Variants in EPHB1 observed in about 807,000 individuals in gnomAD.
EPHB1 encodes EPH receptor B1, also known as ephrin type-B receptor 1.
In EPHB1, 30 loss-of-function variants were observed where a neutral mutation model predicts 94.4. The observed-to-expected ratio is 0.32, with a 90% CI of 0.24 to 0.43. EPHB1 has a LOEUF of 0.43. Ranked by LOEUF, EPHB1 falls within the 20% of genes least tolerant of loss-of-function variation. The pLI is 1.00. For synonymous variants in EPHB1, 522 were observed against 489.1 expected, an observed-to-expected ratio of 1.07 and a Z score of -0.89; for missense variants, 1,055 against 1,308.3, an observed-to-expected ratio of 0.81 and a Z score of 2.99.
intron 1 of EPHB1, among the ~76,000 whole-genome samples, chr3:134,840,102 C>T (rs2036749069): frequency 6.6e-6 from 1 of 152,230 alleles, no homozygotes; most frequent in African/African-American, 2.4e-5. Flanking sequence ...TTGTATTCCT[C>T]CTTGAATCAG....
intron 3 of EPHB1, among the ~76,000 whole-genome samples, chr3:135,005,930 A>G (rs1051978683): frequency 2.8e-4 from 42 of 152,206 alleles, no homozygotes; most frequent in African/African-American, 9.7e-4. Flanking sequence ...TGTGTCGCTC[A>G]GGCTGGGAGC....
chr3:134,839,149 A>G (rs2036731361), intron 1 of EPHB1, among the ~76,000 whole-genome samples: 1 of 152,342 alleles, frequency 6.6e-6, no homozygotes, highest in Non-Finnish European at 1.5e-5. Context: ...GGAAGTTAAC[A>G]GGGAAATCCA....
intron 1 of EPHB1, among the ~76,000 whole-genome samples, chr3:134,827,118 T>C (rs2036493870): frequency 6.6e-6 from 1 of 152,214 alleles, no homozygotes; most frequent in Non-Finnish European, 1.5e-5. Flanking sequence ...GAGCTGGCAC[T>C]TTCACATGAG....
At chr3:134,822,615 A>G (rs62272391) in intron 1 of EPHB1, among the ~76,000 whole-genome samples, 25,710 of 152,138 alleles carry the variant, frequency 0.17, 2,480 homozygotes, top group South Asian at 0.38. Flanking sequence ...AGACCACTCC[A>G]AGCCCTCCCT....
chr3:135,000,622 G>T (rs1935142425), intron 3 of EPHB1, among the ~76,000 whole-genome samples: 2 of 152,140 alleles, frequency 1.3e-5, no homozygotes, highest in Admixed American at 6.5e-5. Context: ...CAGAGTACTT[G>T]AACCGTGTCC....
At position 135,241,307 on chromosome 3, in the gene EPHB1, A is replaced by G; in HGVS notation, c.2496+10A>G. 6.2e-7 allele frequency: 1 copy of G among 1,614,126 alleles called. No homozygotes were observed. The highest frequency in any genetic ancestry group is 8.5e-7 in the Non-Finnish European group (1 of 1,179,954). On this transcript the variant is annotated intron_variant, in intron 13 of 15. Transcript: ENST00000398015. ...TATGTCCAACCAAGATGTGAGTGTC[A>G]GCAGCACTTGGTCACCACAAACCCC...
chr3:135,109,911 C>T (rs1939373979), intron 4 of EPHB1, among the ~76,000 whole-genome samples: 1 of 152,184 alleles, frequency 6.6e-6, no homozygotes, highest in Non-Finnish European at 1.5e-5. Context: ...CACAGGAGGG[C>T]CAGATGGCAA....
chr3:135,149,423 C>T (rs1022851602), intron 5 of EPHB1, among the ~76,000 whole-genome samples: 1 of 152,206 alleles, frequency 6.6e-6, no homozygotes, highest in African/African-American at 2.4e-5. Context: ...AAAGGGGATA[C>T]TTCTTTGAAT....
chr3:134,815,986 A>C (rs1309486936), intron 1 of EPHB1, among the ~76,000 whole-genome samples: 4 of 143,868 alleles, frequency 2.8e-5, no homozygotes, highest in Non-Finnish European at 6.1e-5. Flanking sequence ...AGATTAAGTA[A>C]CCACCAAAGG....
At chr3:135,245,816 A>AC in intron 13 of EPHB1, among the ~76,000 whole-genome samples, 1 of 151,262 alleles carries the variant, frequency 6.6e-6, no homozygotes, top group East Asian at 1.9e-4. Flanking sequence ...AAAAAAAAAA[A>AC]AAAAAAAAAA....
intron 5 of EPHB1, among the ~76,000 whole-genome samples, chr3:135,149,857 C>A (rs1397549578): frequency 1.3e-5 from 2 of 152,168 alleles, no homozygotes; most frequent in Admixed American, 6.5e-5. Context: ...TTCCCAGACC[C>A]GAGTGCCGCT....
intron 3 of EPHB1, among the ~76,000 whole-genome samples, chr3:135,080,127 C>T (rs1227996740): frequency 6.6e-6 from 1 of 152,186 alleles, no homozygotes; most frequent in Non-Finnish European, 1.5e-5. Context: ...GGCCTGCGCA[C>T]TTCTCCCTAG....
intron 3 of EPHB1, among the ~76,000 whole-genome samples, chr3:135,037,256 C>T (rs1210307661): frequency 1.3e-5 from 2 of 152,210 alleles, no homozygotes; most frequent in Non-Finnish European, 2.9e-5. Flanking sequence ...TGTTTCAAAT[C>T]TCCAAGAGAC....
intron 15 of EPHB1, among the ~76,000 whole-genome samples, chr3:135,252,205 ATAT>A (rs1450452234): frequency 9.9e-5 from 15 of 151,058 alleles, no homozygotes; most frequent in Admixed American, 3.9e-4. Flanking sequence ...TTATTTTTTA[ATAT>A]TTTTTATTTA....
intron 3 of EPHB1, among the ~76,000 whole-genome samples, chr3:135,093,713 C>A (rs1363021093): frequency 7.6e-5 from 8 of 105,684 alleles, no homozygotes; most frequent in African/African-American, 2.5e-4. Context: ...CAGAGTGAGA[C>A]CCTGACTCAA....
chr3:134,920,483 G>T (rs2038662119), intron 1 of EPHB1, among the ~76,000 whole-genome samples: 1 of 152,166 alleles, frequency 6.6e-6, no homozygotes, highest in African/African-American at 2.4e-5. Flanking sequence ...TGAAAGGTCT[G>T]TGGACTTGCC....
At chr3:135,200,327 G>A (rs547726610) in intron 11 of EPHB1, among the ~76,000 whole-genome samples, 1 of 152,270 alleles carries the variant, frequency 6.6e-6, no homozygotes, top group South Asian at 2.1e-4. Context: ...GAAACTCTGA[G>A]CCCACAAATG....
chr3:134,798,907 C>T (rs751291880), intron 1 of EPHB1, among the ~76,000 whole-genome samples: 1 of 152,208 alleles, frequency 6.6e-6, no homozygotes, highest in South Asian at 2.1e-4. Context: ...CAGGGAGTAC[C>T]CATGCACCTG....
chr3:134,951,274 C>G lies in EPHB1; in HGVS notation c.124-97C>G. 8.5e-7 allele frequency: 1 copy of G among 1,176,960 alleles called. No homozygotes were observed. The highest frequency in any genetic ancestry group is 1.2e-6 in the Non-Finnish European group (1 of 859,278). 72.9% of individuals were successfully genotyped at this position (1,176,960 alleles called of 1,614,324 possible). On this transcript the variant is annotated intron_variant, in intron 2 of 15. Coordinates refer to ENST00000398015, the MANE Select transcript of EPHB1 (RefSeq NM_004441.5). The surrounding 1 kb of genome is among the most constrained non-coding windows in gnomAD (Gnocchi z 4.5). ...CTGGACTGGTGAGCTCTTAAGGCCCCTTAGCCCCAGGATTCTCCTCTGCTA... is the reference window on the plus strand; with the variant it reads ...CTGGACTGGTGAGCTCTTAAGGCCCGTTAGCCCCAGGATTCTCCTCTGCTA...
Sources: gnomAD v4.1 joint callset for allele counts (sites outside exome capture counted in the v4.1 genomes callset) on GRCh38, gnomAD v4.1.1 for gene constraint, Gnocchi (gnomAD v3.1) non-coding constraint, MANE v1.5 for transcripts, NCBI Gene and HGNC (gene_info 2026-07-23, HGNC 2026-07-21) for gene names.